UQCRC2: variants seen among roughly 807,000 people sequenced by gnomAD.
UQCRC2 encodes cytochrome b-c1 complex subunit 2, mitochondrial.
Under a neutral mutation model 55.6 loss-of-function variants are expected in UQCRC2, and 49 were observed. That is an observed-to-expected ratio of 0.88 (90% CI 0.70 to 1.12). The LOEUF is 1.12. UQCRC2 is among the 50% of genes most tolerant of loss of function. The pLI is 0.00. For synonymous variants in UQCRC2, 193 were observed against 192.0 expected (o/e 1.01, Z -0.04); for missense variants, 506 against 547.8 (o/e 0.92, Z 0.76).
intron 5 of UQCRC2, 113 bp from the exon 6 acceptor site, chr16:21,962,648 A>G (rs1475242854): frequency 4.5e-5 from 71 of 1,589,236 alleles, no homozygotes; most frequent in Non-Finnish European, 5.9e-5. Flanking sequence ...GCTCAAAAAC[A>G]CTGCTTACCA....
intron 11 of UQCRC2, among the ~76,000 whole-genome samples, chr16:21,974,327 G>A (rs1441274268): frequency 3.3e-5 from 5 of 152,108 alleles, no homozygotes; most frequent in African/African-American, 1.2e-4. Flanking sequence ...AGGGATATGT[G>A]TGAATGATTG....
intron 9 of UQCRC2, 59 bp downstream of exon 9, chr16:21,971,679 G>A: frequency 6.5e-7 from 1 of 1,537,358 alleles, no homozygotes; most frequent in Non-Finnish European, 9.0e-7. Flanking sequence ...CACTAGAATA[G>A]CATATTGAGG....
chr16:21,982,963 C>CAAAA (rs1036084484), intron 13 of UQCRC2, 125 bp from the exon 14 acceptor site: 28 of 537,622 alleles, frequency 5.2e-5, no homozygotes, highest in African/African-American at 1.7e-4. Context: ...GACTCCACCT[C>CAAAA]AAAAAAAAAA....
intron 4 of UQCRC2, chr16:21,959,603 A>G (rs1239089693): frequency 6.5e-6 from 1 of 152,854 alleles, no homozygotes; most frequent in East Asian, 1.9e-4. Context: ...ATACTTTGAC[A>G]TCCTCCCATG....
Position 21,957,302 on chromosome 16 carries a change from A to G in UQCRC2, c.101A>G (p.Gln34Arg), listed in dbSNP as rs752743784. The G allele has an allele frequency of 6.2e-7, 1 of 1,614,048 alleles. No homozygotes were observed. Among genetic ancestry groups the G allele is most frequent in the Non-Finnish European group, 8.5e-7 (1 of 1,180,002 alleles). Residue 34 changes from glutamine (Q) to arginine (R), a missense_variant, in exon 2 of 14, where the codon CAA (glutamine) becomes CGA (arginine). Gln to Arg is a conservative substitution (Grantham distance 43, BLOSUM62 1). Transcript: ENST00000268379. ...GCTGCGCCTGCAGGAGCACCGCCAC[A>G]ACCTCAGGACCTTGAGGTTAGTCCC... The part of the protein sequence containing the change: ...ATAAPAGAPP[Q>R]PQDLEFTKLP...
At position 21,957,245 on chromosome 16, in the gene UQCRC2, C is replaced by G. The variant is rs1460932951; in HGVS notation, c.44C>G (p.Ser15Cys). The change falls in exon 2 of 14, where the codon TCC becomes TGC. Residue 15 changes from serine (S) to cysteine (C), a missense_variant. Coordinates refer to ENST00000268379, the MANE Select transcript of UQCRC2 (RefSeq NM_003366.4). ...GTTTTTTATGTTTAGAGATTTTATT[C>G]CCTCAAAGTTGCCCCCAAAGTTAAA... ...TRAGSFSRFYSLKVAPKVKAT... is the reference protein window; with the variant it reads ...TRAGSFSRFYCLKVAPKVKAT... The G allele has an allele frequency of 6.2e-7, 1 of 1,613,592 alleles. No homozygotes were observed. The highest frequency in any genetic ancestry group is 1.7e-5 in the Admixed American group (1 of 59,992).
intron 7 of UQCRC2, among the ~76,000 whole-genome samples, chr16:21,965,935 A>G (rs1435356641): frequency 3.3e-5 from 5 of 152,108 alleles, no homozygotes; most frequent in South Asian, 4.1e-4. Context: ...CCTTCTGCCT[A>G]TGCCTCTCAA....
Position 21,976,231 on chromosome 16 carries a change from T to C in UQCRC2, c.1112T>C (p.Val371Ala). 6.2e-7 allele frequency: 1 copy of C among 1,613,618 alleles called. No homozygotes were observed. Among genetic ancestry groups the C allele is most frequent in the Non-Finnish European group, 8.5e-7 (1 of 1,179,530 alleles). Residue 371 changes from valine to alanine, a missense_variant, in exon 12 of 14, where the codon GTC becomes GCC. Transcript: ENST00000268379. ...IAQGNLSNTDVQAAKNKLKAG... is the reference protein window; with the variant it reads ...IAQGNLSNTDAQAAKNKLKAG... ...CAAGGAAACCTTTCCAACACAGATGTCCAAGCTGCCAAGTAAGTCTCAGTA... is the reference window on the plus strand; with the variant it reads ...CAAGGAAACCTTTCCAACACAGATGCCCAAGCTGCCAAGTAAGTCTCAGTA...
At chr16:21,958,461 A>G in intron 3 of UQCRC2, 74 bp from the exon 4 acceptor site, 2 of 1,311,414 alleles carry the variant, frequency 1.5e-6, no homozygotes, top group Non-Finnish European at 2.2e-6. Context: ...CTCACAACAG[A>G]TTTTGATATA....
At chr16:21,969,462 G>A (rs1898405701) in intron 8 of UQCRC2, among the ~76,000 whole-genome samples, 1 of 152,154 alleles carries the variant, frequency 6.6e-6, no homozygotes, top group South Asian at 2.1e-4. Flanking sequence ...AACCCAGGAG[G>A]CAGTGATTGC....
intron 11 of UQCRC2, 22 bp downstream of exon 11, chr16:21,973,998 C>T (rs768012263): frequency 1.3e-6 from 2 of 1,588,636 alleles, no homozygotes; most frequent in South Asian, 1.1e-5. Context: ...ACTCACCAAA[C>T]TTCTTTCATG....
At chr16:21,955,339 A>G (rs1199358951) in intron 1 of UQCRC2, among the ~76,000 whole-genome samples, 1 of 152,210 alleles carries the variant, frequency 6.6e-6, no homozygotes, top group Non-Finnish European at 1.5e-5. Context: ...CCAGCAGCCA[A>G]CCTAGTACAG....
At chr16:21,976,544 A>G in intron 12 of UQCRC2, 1 of 255,626 alleles carries the variant, frequency 3.9e-6, no homozygotes, top group South Asian at 6.5e-5. Context: ...TTAGAGAATA[A>G]TTGTTAACAT....
intron 6 of UQCRC2, 94 bp downstream of exon 6, chr16:21,962,979 A>G: frequency 7.3e-7 from 1 of 1,373,466 alleles, no homozygotes; most frequent in Non-Finnish European, 9.7e-7. Flanking sequence ...CAAAATTTTT[A>G]TTTTTATTTT....
chr16:21,982,135 C>T (rs1898746431), intron 13 of UQCRC2, among the ~76,000 whole-genome samples: 1 of 152,066 alleles, frequency 6.6e-6, no homozygotes, highest in African/African-American at 2.4e-5. Context: ...TCAACGCGCC[C>T]AGCCCATTTG....
chr16:21,971,640 AG>A lies in UQCRC2; in HGVS notation c.766+23del. Reference sequence around the variant, plus strand: ...GTGGAGGTAAGCATTTCATTCTATTAGGGTTAATTTATCAGAAGGGCGTTTC... The same window carrying A: ...GTGGAGGTAAGCATTTCATTCTATTAGGTTAATTTATCAGAAGGGCGTTTC... On this transcript the variant is annotated intron_variant, in intron 9 of 13. Coordinates refer to ENST00000268379, the MANE Select transcript of UQCRC2 (RefSeq NM_003366.4). 6.2e-7 allele frequency: 1 copy of A among 1,609,452 alleles called. No homozygotes were observed. Among genetic ancestry groups the A allele is most frequent in the Non-Finnish European group, 8.5e-7 (1 of 1,176,838 alleles).
At chr16:21,982,929 A>C (rs1436883490) in intron 13 of UQCRC2, among the ~76,000 whole-genome samples, 159 bp from the exon 14 acceptor site, 1 of 146,878 alleles carries the variant, frequency 6.8e-6, no homozygotes, top group Non-Finnish European at 1.5e-5. Flanking sequence ...GCAGCACTGC[A>C]CTCCACACTG....
At chr16:21,960,908 G>A (rs185468952) in intron 4 of UQCRC2, among the ~76,000 whole-genome samples, 1 of 152,126 alleles carries the variant, frequency 6.6e-6, no homozygotes, top group Admixed American at 6.5e-5. Context: ...ATACCTTATT[G>A]CAGCCTTGAA....
At chr16:21,954,534 A>G (rs1480299453) in intron 1 of UQCRC2, among the ~76,000 whole-genome samples, 1 of 152,222 alleles carries the variant, frequency 6.6e-6, no homozygotes, top group East Asian at 1.9e-4. Flanking sequence ...TTCCTTCTCC[A>G]TTCTATTTTG....
Sources: gnomAD v4.1 joint callset for allele counts (sites outside exome capture counted in the v4.1 genomes callset) on GRCh38, gnomAD v4.1.1 for gene constraint, MANE v1.5 for transcripts, NCBI Gene and HGNC (gene_info 2026-07-23, HGNC 2026-07-21) for gene names.